Variants in LRP2 observed in about 807,000 individuals in gnomAD.
LRP2 encodes the protein LDL receptor related protein 2.
A neutral mutation model predicts 531.0 loss-of-function variants in LRP2; 172 were observed. The ratio of observed to expected loss-of-function variants is 0.32; its 90% CI spans 0.29 to 0.37. The LOEUF (loss-of-function observed/expected upper bound fraction) is 0.37, where lower values mean the gene tolerates loss of function less well. LRP2 is among the 10% of genes least tolerant of loss of function. The probability of loss-of-function intolerance (pLI) is 1.00; values close to 1 mark genes in which losing one functional copy is unlikely to be tolerated. For synonymous variants in LRP2, 1,992 were observed against 2,027.6 expected (o/e 0.98, Z 0.47); for missense variants, 5,167 against 5,868.3 (o/e 0.88, Z 3.90).
chr2:169,166,026 A>G lies in LRP2; in HGVS notation c.11664T>C (p.Arg3888=), dbSNP rs1046750957. Residue 3888 remains arginine, a synonymous_variant, in exon 62 of 79, where the codon CGT becomes CGC. Transcript: ENST00000649046. ...TGCAGCGATTGTTGTCACACCGGAA[A>G]CGGTTTGGTGAATTACAGGGAACAT... The part of the protein sequence containing the change: ...CLDVPCNSPN[R]FRCDNNRCIY... The G allele has an allele frequency of 6.2e-7, 1 of 1,614,096 alleles. No homozygotes were observed. The highest frequency in any genetic ancestry group is 8.5e-7 in the Non-Finnish European group (1 of 1,179,940).
Position 169,292,244 on chromosome 2 carries a change from C to G in LRP2, c.769+9G>C. 6.4e-7 allele frequency: 1 copy of G among 1,573,844 alleles called. No homozygotes were observed. Among genetic ancestry groups the G allele is most frequent in the African/African-American group, 1.3e-5 (1 of 74,214 alleles). On this transcript the variant is annotated intron_variant, in intron 7 of 78. Transcript: ENST00000649046. The stretch of plus-strand genomic sequence containing the variant: ...ATGCTTTTCAGTAGGAATCTCTTCC[C>G]CTCCTTACCACATCCATCTTCATCT...
At chr2:169,152,736 T>G in intron 67 of LRP2, 63 bp downstream of exon 67, 2 of 1,572,524 alleles carry the variant, frequency 1.3e-6, no homozygotes, top group South Asian at 1.1e-5. Context: ...GCCCATGGAG[T>G]GCAGTAGAGA....
chr2:169,236,534 C>T (rs1210219360), intron 28 of LRP2, among the ~76,000 whole-genome samples: 1 of 152,080 alleles, frequency 6.6e-6, no homozygotes, highest in Non-Finnish European at 1.5e-5. Context: ...ACATAACTTG[C>T]CTAATTTACC....
chr2:169,284,967 C>G (rs982228747), intron 9 of LRP2, among the ~76,000 whole-genome samples: 4 of 152,152 alleles, frequency 2.6e-5, no homozygotes, highest in African/African-American at 9.7e-5. Flanking sequence ...TAGGAATTCT[C>G]TAGCACAAAT....
intron 9 of LRP2, among the ~76,000 whole-genome samples, chr2:169,284,158 T>C (rs1312088638): frequency 2.0e-5 from 3 of 152,254 alleles, no homozygotes; most frequent in Non-Finnish European, 2.9e-5. Flanking sequence ...CTGTCAGAGT[T>C]GTGAATTGGG....
chr2:169,178,996 T>G lies in LRP2; in HGVS notation c.10170-970A>C, dbSNP rs138928576. Among the ~76,000 whole-genome samples the G allele has an allele frequency of 6.7e-3, 1,004 of 150,528 alleles. 7 individuals carry two copies. Among genetic ancestry groups the G allele is most frequent in the African/African-American group, 0.024 (961 of 40,734 alleles). On this transcript the variant is annotated intron_variant, in intron 52 of 78. Coordinates refer to ENST00000649046, the MANE Select transcript of LRP2 (RefSeq NM_004525.3). ...TTAGTCACCATCTGATTTATTTATTTATTTATTTATTTATTTATTTATTTA... is the reference window on the plus strand; with the variant it reads ...TTAGTCACCATCTGATTTATTTATTGATTTATTTATTTATTTATTTATTTA...
At chr2:169,142,624 A>G in intron 71 of LRP2, 50 bp downstream of exon 71, 1 of 1,610,320 alleles carries the variant, frequency 6.2e-7, no homozygotes, top group Non-Finnish European at 8.5e-7. Flanking sequence ...TCCTGAAGGC[A>G]GCAGAGGAGT....
chr2:169,154,278 G>T (rs531755928), intron 66 of LRP2, among the ~76,000 whole-genome samples, 182 bp downstream of exon 66: 2 of 152,312 alleles, frequency 1.3e-5, no homozygotes, highest in East Asian at 3.9e-4. Context: ...AAGAAATCAG[G>T]AAAGCTTGGC....
In LRP2 at chr2:169,181,552, G is replaced by C; in HGVS notation, c.10065C>G (p.Asn3355Lys). The C allele has an allele frequency of 1.9e-6, 3 of 1,614,176 alleles. No individual in the cohort carries two copies. Among genetic ancestry groups the C allele is most frequent in the Non-Finnish European group, 2.5e-6 (3 of 1,180,024 alleles). The change falls in exon 52 of 79, where the codon AAC (asparagine) becomes AAG (lysine). Residue 3355 changes from asparagine to lysine, a missense_variant. This residue lies in a region of LRP2 where 1,129 missense variants were observed against 1,362.7 expected (regional missense o/e 0.83). Transcript: ENST00000649046. ...YIGRVGMDGT[N>K]KSVIISTKLE... is the part of the protein sequence containing the mutation. ...ACTTGGTGGAGATTATCACAGACTT[G>C]TTGGTTCCATCCATGCCTACTCTCC...
chr2:169,308,860 T>A (rs1684504517), intron 3 of LRP2, among the ~76,000 whole-genome samples: 2 of 152,198 alleles, frequency 1.3e-5, no homozygotes, highest in Non-Finnish European at 2.9e-5. Flanking sequence ...GTGTTCCTAT[T>A]TCTCCACATC....
At chr2:169,317,194 C>T (rs905614280) in intron 3 of LRP2, among the ~76,000 whole-genome samples, 1 of 152,172 alleles carries the variant, frequency 6.6e-6, no homozygotes, top group African/African-American at 2.4e-5. Flanking sequence ...TTTTCCCAAG[C>T]AGTTGCCCTT....
chr2:169,335,347 T>C (rs1685375203), intron 1 of LRP2, among the ~76,000 whole-genome samples: 1 of 152,242 alleles, frequency 6.6e-6, no homozygotes. Flanking sequence ...ATACAGGCTT[T>C]CCCAGAATTG....
At chr2:169,170,473 G>T in intron 59 of LRP2, 78 bp downstream of exon 59, 1 of 1,094,112 alleles carries the variant, frequency 9.1e-7, no homozygotes, top group Non-Finnish European at 1.4e-6. Context: ...TCCTCTAAAA[G>T]CCTTATAAAC....
At chr2:169,201,102 A>G (rs1351305758) in intron 44 of LRP2, among the ~76,000 whole-genome samples, 2 of 152,262 alleles carry the variant, frequency 1.3e-5, no homozygotes, top group Non-Finnish European at 2.9e-5. Context: ...TTATGCAATT[A>G]GTCAAGTCCA....
chr2:169,227,644 C>T (rs545758293), intron 31 of LRP2, among the ~76,000 whole-genome samples: 7 of 152,066 alleles, frequency 4.6e-5, no homozygotes, highest in African/African-American at 1.2e-4. Flanking sequence ...TTTTATAATC[C>T]GGGAAGCTTT....
At chr2:169,302,967 T>A (rs1684322414) in intron 4 of LRP2, among the ~76,000 whole-genome samples, 1 of 152,056 alleles carries the variant, frequency 6.6e-6, no homozygotes, top group Non-Finnish European at 1.5e-5. Flanking sequence ...AATTTTTAGG[T>A]GTGATAATGA....
Position 169,157,465 on chromosome 2 carries a change from G to A in LRP2, c.11925C>T (p.Cys3975=), listed in dbSNP as rs143815721. The A allele has an allele frequency of 1.0e-4, 165 of 1,612,872 alleles. 1 individual carries two copies. Among genetic ancestry groups the A allele is most frequent in the South Asian group, 3.6e-4 (33 of 91,054 alleles). ...CATTTAATTGGGTACAATTTTGCTC[G>A]CATATATTTTCAGCACATGTTCTTT... The part of the protein sequence containing the change: ...GKERTCAENI[C]EQNCTQLNEG... Residue 3975 remains cysteine (C), a synonymous_variant, in exon 64 of 79, where the codon TGC becomes TGT. Coordinates refer to ENST00000649046, the MANE Select transcript of LRP2 (RefSeq NM_004525.3).
At chr2:169,188,363 G>T in intron 48 of LRP2, 98 bp from the exon 49 acceptor site, 1 of 1,164,084 alleles carries the variant, frequency 8.6e-7, no homozygotes, top group Non-Finnish European at 1.3e-6. Flanking sequence ...CTACCTAAAT[G>T]CCAGGTCAAC....
intron 70 of LRP2, among the ~76,000 whole-genome samples, chr2:169,143,767 C>G (rs979318515): frequency 3.3e-5 from 5 of 152,174 alleles, no homozygotes; most frequent in African/African-American, 1.2e-4. Context: ...AAGTCTAGAG[C>G]CTTATTAATT....
Sources: allele counts gnomAD v4.1 joint callset (sites outside exome capture counted in the v4.1 genomes callset), GRCh38; gene constraint gnomAD v4.1.1; regional missense constraint gnomAD v4.1.1; transcripts MANE v1.5; gene names NCBI Gene and HGNC (gene_info 2026-07-23, HGNC 2026-07-21).